The following CTNND1 variants were observed in gnomAD, a reference collection of about 807,000 sequenced individuals.
CTNND1 encodes the protein catenin delta-1.
A neutral mutation model predicts 112.1 loss-of-function variants in CTNND1; 16 were observed. The ratio of observed to expected loss-of-function variants is 0.14; its 90% CI spans 0.10 to 0.22. The LOEUF (loss-of-function observed/expected upper bound fraction) is 0.22, where lower values mean the gene tolerates loss of function less well. Ranked by LOEUF, CTNND1 falls within the 10% of genes least tolerant of loss-of-function variation. CTNND1 has a pLI of 1.00. For synonymous variants in CTNND1, 420 were observed against 446.5 expected (o/e 0.94, Z 0.75); for missense variants, 1,008 against 1,257.0 (o/e 0.80, Z 3.00).
intron 1 of CTNND1, among the ~76,000 whole-genome samples, chr11:57,785,927 A>G (rs193053303): frequency 6.6e-6 from 1 of 151,930 alleles, no homozygotes; most frequent in Admixed American, 6.6e-5. Flanking sequence ...TATTTGATTT[A>G]ATTTAACTTC....
intron 1 of CTNND1, among the ~76,000 whole-genome samples, chr11:57,785,246 G>T (rs911303962): frequency 2.6e-5 from 4 of 152,148 alleles, no homozygotes; most frequent in Non-Finnish European, 4.4e-5. Context: ...AATATTACTG[G>T]CTTTCTGTGC....
chr11:57,782,833 TA>T (rs1425928975), intron 1 of CTNND1, among the ~76,000 whole-genome samples: 2 of 152,218 alleles, frequency 1.3e-5, no homozygotes, highest in African/African-American at 2.4e-5. Flanking sequence ...ATATCCAGAA[TA>T]ATACAGGTTT....
chr11:57,809,257 A>G lies in CTNND1; in HGVS notation c.2243-17A>G. The G allele has an allele frequency of 6.3e-7, 1 of 1,597,756 alleles. No individual in the cohort carries two copies. Among genetic ancestry groups the G allele is most frequent in the Non-Finnish European group, 8.6e-7 (1 of 1,166,480 alleles). On this transcript the variant is annotated splice_polypyrimidine_tract_variant and intron_variant, in intron 14 of 20. Transcript: ENST00000399050. ...CTGACTTGATCTTTTCTCCCTGCAT[A>G]CATTCTTTCTTACTAGGTAAACATG...
intron 17 of CTNND1, 50 bp from the exon 18 acceptor site, chr11:57,814,261 A>G: frequency 7.2e-7 from 1 of 1,389,616 alleles, no homozygotes; most frequent in Non-Finnish European, 1.0e-6. Flanking sequence ...TGATGTGTAC[A>G]GATTTTGAAG....
In CTNND1 at chr11:57,802,087, T is replaced by C. The variant is rs537846966; in HGVS notation, c.1311T>C (p.Phe437=). 33 of 1,614,050 alleles carry C rather than the reference T, an allele frequency of 2.0e-5. No individual in the cohort carries two copies. The Middle Eastern group carries it at 6.6e-4, about 32-fold the overall frequency. ...GTGGAGCTCTCAAGAATATCTCTTT[T>C]GGACGTGACCAGGATAACAAGATTG... ...GACGALKNIS[F]GRDQDNKIAI... Residue 437 remains phenylalanine, a synonymous_variant, in exon 7 of 21, where the codon TTT becomes TTC. Coordinates refer to ENST00000399050, the MANE Select transcript of CTNND1 (RefSeq NM_001085458.2).
intron 1 of CTNND1, among the ~76,000 whole-genome samples, chr11:57,786,262 C>T (rs1007122150): frequency 2.0e-5 from 3 of 150,702 alleles, no homozygotes; most frequent in Admixed American, 1.3e-4. Context: ...GGCCGGCTGC[C>T]GTGGCTCACG....
chr11:57,808,365 C>A (rs1485024840), intron 13 of CTNND1, 25 bp from the exon 14 acceptor site: 1 of 1,598,400 alleles, frequency 6.3e-7, no homozygotes. Flanking sequence ...TAATTTGTTC[C>A]ACCCCTTTCT....
At chr11:57,797,093 C>T (rs1409556611) in intron 6 of CTNND1, 101 bp downstream of exon 6, 12 of 1,039,712 alleles carry the variant, frequency 1.2e-5, no homozygotes, top group African/African-American at 1.6e-5. Flanking sequence ...CAGAGATACT[C>T]GTGGCCTCCT....
At position 57,788,486 on chromosome 11, in the gene CTNND1, C is replaced by T. The variant is rs576798495; in HGVS notation, c.-213-551C>T. On this transcript the variant is annotated intron_variant, in intron 1 of 20. Transcript: ENST00000399050. The surrounding 1 kb of genome is among the most constrained non-coding windows in gnomAD (Gnocchi z 4.1). ...ACTCTTGCTTGCTGACTTCTGCATA[C>T]ACTCTAAGCCAAACAGGCCCGGGCA... 1.4e-4 allele frequency among the ~76,000 whole-genome samples: 22 copies of T among 152,312 alleles called. No individual in the cohort carries two copies. The highest frequency in any genetic ancestry group is 1.5e-5 in the Non-Finnish European group (1 of 68,030).
intron 1 of CTNND1, among the ~76,000 whole-genome samples, chr11:57,772,098 T>A (rs1274844582): frequency 6.8e-6 from 1 of 147,116 alleles, no homozygotes; most frequent in Non-Finnish European, 1.5e-5. Flanking sequence ...ATTTTTGTAT[T>A]TTTTTTTTTT....
intron 1 of CTNND1, among the ~76,000 whole-genome samples, chr11:57,780,901 C>G (rs1301293685): frequency 6.6e-6 from 1 of 152,110 alleles, no homozygotes; most frequent in Non-Finnish European, 1.5e-5. Flanking sequence ...TGGGGGAATG[C>G]CATAGATTGA....
intron 3 of CTNND1, among the ~76,000 whole-genome samples, chr11:57,792,751 G>A (rs1190776834): frequency 1.3e-5 from 2 of 151,710 alleles, no homozygotes; most frequent in Non-Finnish European, 2.9e-5. Context: ...GGATGGTCTC[G>A]ATCTCTTGAC....
At position 57,802,164 on chromosome 11, in the gene CTNND1, C is replaced by A. The variant is rs755094282; in HGVS notation, c.1388C>A (p.Ala463Asp). ...GCCCTTGTGCGATTGCTTCGAAAGG[C>A]TCGTGATATGGACCTTACTGAAGTT... Reference protein sequence around the residue: ...VPALVRLLRKARDMDLTEVIT... With the variant: ...VPALVRLLRKDRDMDLTEVIT... Residue 463 changes from alanine to aspartate, a missense_variant, in exon 7 of 21, where the codon GCT becomes GAT. Around this residue, in one of 5 missense-constraint regions of CTNND1, gnomAD observed 216 missense variants for 342.8 expected, o/e 0.63. Coordinates refer to ENST00000399050, the MANE Select transcript of CTNND1 (RefSeq NM_001085458.2). 2 of 1,613,590 alleles carry A rather than the reference C, an allele frequency of 1.2e-6. No homozygotes were observed. Among genetic ancestry groups the A allele is most frequent in the Admixed American group, 3.3e-5 (2 of 60,000 alleles).
chr11:57,771,820 G>T (rs952884236), intron 1 of CTNND1, among the ~76,000 whole-genome samples: 2 of 152,142 alleles, frequency 1.3e-5, no homozygotes, highest in Non-Finnish European at 2.9e-5. Flanking sequence ...CAGATAATTT[G>T]CATAGTAGCA....
At chr11:57,808,109 AGCCTG>A in intron 12 of CTNND1, 51 bp from the exon 13 acceptor site, 1 of 1,557,074 alleles carries the variant, frequency 6.4e-7, no homozygotes, top group Non-Finnish European at 8.8e-7. Flanking sequence ...AGCCAGCTAG[AGCCTG>A]GTTTATTGGT....
At chr11:57,769,118 C>A (rs1482136365) in intron 1 of CTNND1, among the ~76,000 whole-genome samples, 2 of 151,190 alleles carry the variant, frequency 1.3e-5, no homozygotes, top group Non-Finnish European at 2.9e-5. Flanking sequence ...ACCAGCCTGG[C>A]CAACATGGTG....
intron 1 of CTNND1, among the ~76,000 whole-genome samples, chr11:57,776,152 C>T (rs995386686): frequency 2.6e-5 from 4 of 152,194 alleles, no homozygotes; most frequent in Non-Finnish European, 4.4e-5. Flanking sequence ...GGCACTGTTA[C>T]TGCTATTTTA....
At chr11:57,792,453 G>A (rs1219296095) in intron 3 of CTNND1, among the ~76,000 whole-genome samples, 1 of 152,104 alleles carries the variant, frequency 6.6e-6, no homozygotes, top group Non-Finnish European at 1.5e-5. Context: ...ACTCGCGCAT[G>A]TGTGTGTGTG....
chr11:57,794,213 C>T lies in CTNND1; in HGVS notation c.267+132C>T, dbSNP rs1196194159. The T allele has an allele frequency of 4.1e-5, 31 of 760,712 alleles. No individual in the cohort carries two copies. The East Asian group carries it at 4.5e-4, about 11-fold the overall frequency. 47.1% of individuals were successfully genotyped at this position (760,712 alleles called of 1,614,324 possible). On this transcript the variant is annotated intron_variant, in intron 4 of 20. Coordinates refer to ENST00000399050, the MANE Select transcript of CTNND1 (RefSeq NM_001085458.2). The stretch of plus-strand genomic sequence containing the variant: ...CTCGTCAATTAGTTTCTTTTATTTA[C>T]GAAAACAAAGAAGTGGAGCTCCAAA...
Sources: gnomAD v4.1 joint callset for allele counts (sites outside exome capture counted in the v4.1 genomes callset) on GRCh38, gnomAD v4.1.1 for gene constraint, gnomAD v4.1.1 regional missense constraint, Gnocchi (gnomAD v3.1) non-coding constraint, MANE v1.5 for transcripts, NCBI Gene and HGNC (gene_info 2026-07-23, HGNC 2026-07-21) for gene names.